KCNQ3: variants seen among roughly 807,000 people sequenced by gnomAD.
KCNQ3 encodes the protein potassium voltage-gated channel subfamily Q member 3.
In KCNQ3, 30 loss-of-function variants were observed where a neutral mutation model predicts 92.5. The ratio of observed to expected loss-of-function variants is 0.32; its 90% CI spans 0.24 to 0.44. The LOEUF (loss-of-function observed/expected upper bound fraction) is 0.44. Ranked by LOEUF, KCNQ3 falls within the 20% of genes least tolerant of loss-of-function variation. The pLI, the probability that KCNQ3 is intolerant of heterozygous loss-of-function variation, is 1.00. For missense variants in KCNQ3, 913 were observed against 1,140.3 expected, an observed-to-expected ratio of 0.80 and a Z score of 2.87; for synonymous variants, 450 against 468.8, an observed-to-expected ratio of 0.96 and a Z score of 0.52.
At chr8:132,241,662 C>T (rs747480876) in intron 1 of KCNQ3, among the ~76,000 whole-genome samples, 2 of 152,128 alleles carry the variant, frequency 1.3e-5, no homozygotes, top group Non-Finnish European at 2.9e-5. Flanking sequence ...GGTGAAACCC[C>T]GTCTCCACTA....
intron 1 of KCNQ3, among the ~76,000 whole-genome samples, chr8:132,360,376 G>T (rs1586955906): frequency 6.6e-6 from 1 of 152,200 alleles, no homozygotes; most frequent in African/African-American, 2.4e-5. Context: ...TGACCTAAGA[G>T]ATTTGGCTTG....
chr8:132,342,319 T>C (rs1016675292), intron 1 of KCNQ3, among the ~76,000 whole-genome samples: 6 of 144,892 alleles, frequency 4.1e-5, no homozygotes, highest in East Asian at 2.0e-4. Context: ...CTTTTTTCTT[T>C]TTTCTTTTTT....
chr8:132,453,256 G>A (rs1821862844), intron 1 of KCNQ3, among the ~76,000 whole-genome samples: 1 of 152,158 alleles, frequency 6.6e-6, no homozygotes. Flanking sequence ...AAGACGGCGG[G>A]TACTAGTCTA....
chr8:132,308,019 C>T (rs1817481564), intron 1 of KCNQ3, among the ~76,000 whole-genome samples: 1 of 152,214 alleles, frequency 6.6e-6, no homozygotes, highest in African/African-American at 2.4e-5. Flanking sequence ...GTCCCAGAAA[C>T]AAGCACTAAA....
chr8:132,473,368 T>C (rs983108615), intron 1 of KCNQ3, among the ~76,000 whole-genome samples: 1 of 152,232 alleles, frequency 6.6e-6, no homozygotes, highest in African/African-American at 2.4e-5. Flanking sequence ...GCTAAGATAC[T>C]GCTGGAGGGA....
chr8:132,241,703 G>A (rs781181802), intron 1 of KCNQ3, among the ~76,000 whole-genome samples: 8 of 152,042 alleles, frequency 5.3e-5, no homozygotes, highest in Non-Finnish European at 1.2e-4. Context: ...GTGTGCTGGC[G>A]GGCACTTGTA....
chr8:132,408,009 G>C (rs931120060), intron 1 of KCNQ3, among the ~76,000 whole-genome samples: 1 of 152,162 alleles, frequency 6.6e-6, no homozygotes, highest in African/African-American at 2.4e-5. Context: ...CTCAGGAAAT[G>C]AGTGAGTGCA....
chr8:132,446,698 G>C (rs1478211196), intron 1 of KCNQ3, among the ~76,000 whole-genome samples: 18 of 152,130 alleles, frequency 1.2e-4, no homozygotes, highest in Admixed American at 6.6e-5. Flanking sequence ...TTACAACTCT[G>C]AATGCTATTT....
At chr8:132,323,370 T>C (rs1026026923) in intron 1 of KCNQ3, among the ~76,000 whole-genome samples, 16 of 152,204 alleles carry the variant, frequency 1.1e-4, no homozygotes, top group Admixed American at 1.0e-3. Context: ...GGCCATGCCA[T>C]TCATTTACAC....
intron 1 of KCNQ3, among the ~76,000 whole-genome samples, chr8:132,377,265 T>C (rs529308275): frequency 6.6e-6 from 1 of 152,356 alleles, no homozygotes; most frequent in African/African-American, 2.4e-5. Flanking sequence ...TGGACACTCC[T>C]GGTTCTCAGG....
intron 1 of KCNQ3, among the ~76,000 whole-genome samples, chr8:132,411,055 T>C (rs1384621887): frequency 6.6e-6 from 1 of 152,230 alleles, no homozygotes; most frequent in Non-Finnish European, 1.5e-5. Flanking sequence ...GGGCAGCCAG[T>C]TCCTGGAGCA....
intron 1 of KCNQ3, among the ~76,000 whole-genome samples, chr8:132,328,007 T>A (rs1818110692): frequency 6.6e-6 from 1 of 152,130 alleles, no homozygotes; most frequent in Admixed American, 6.5e-5. Flanking sequence ...ATGTCCCCTC[T>A]ACCCCAGAGC....
chr8:132,353,986 G>C (rs1276173484), intron 1 of KCNQ3, among the ~76,000 whole-genome samples: 1 of 152,182 alleles, frequency 6.6e-6, no homozygotes, highest in East Asian at 1.9e-4. Flanking sequence ...ACTAAAAAGG[G>C]AAAGAAGCCC....
intron 1 of KCNQ3, among the ~76,000 whole-genome samples, chr8:132,325,563 G>A (rs186816532): frequency 4.6e-4 from 70 of 152,292 alleles, no homozygotes; most frequent in Admixed American, 8.5e-4. Flanking sequence ...GGTCTTATAA[G>A]AAGATATTTG....
chr8:132,249,776 G>A (rs1815335267), intron 1 of KCNQ3, among the ~76,000 whole-genome samples: 1 of 152,196 alleles, frequency 6.6e-6, no homozygotes, highest in Non-Finnish European at 1.5e-5. Flanking sequence ...GGGCATGACG[G>A]GCTGCAGGTC....
intron 8 of KCNQ3, among the ~76,000 whole-genome samples, chr8:132,164,540 T>C (rs1345926243): frequency 1.3e-5 from 2 of 152,066 alleles, no homozygotes; most frequent in South Asian, 2.1e-4. Flanking sequence ...TTAGTTACAG[T>C]GTGGCCTTGG....
At chr8:132,331,812 G>A (rs1268613602) in intron 1 of KCNQ3, among the ~76,000 whole-genome samples, 2 of 152,196 alleles carry the variant, frequency 1.3e-5, no homozygotes, top group Non-Finnish European at 2.9e-5. Context: ...TTTGTTTATG[G>A]CACTGAGAAT....
rs558277468 is a variant in KCNQ3 at position 132,138,008 on chromosome 8, T to C, written c.1577A>G (p.Gln526Arg). Residue 526 changes from glutamine (Q) to arginine (R), a missense_variant, in exon 12 of 15, where the codon CAA (glutamine) becomes CGA (arginine). Transcript: ENST00000388996. The stretch of plus-strand genomic sequence containing the variant: ...GAATTTTTTTTTATAGAGACGGAAT[T>C]GTAGAATTCTGCAAGGCAAAGTAGA... ...KAAIRAVRIL[Q>R]FRLYKKKFKE... 3.7e-6 allele frequency: 6 copies of C among 1,610,092 alleles called. No homozygotes were observed. The South Asian group carries it at 5.5e-5, about 15-fold the overall frequency.
At chr8:132,240,884 C>T (rs1160605654) in intron 1 of KCNQ3, among the ~76,000 whole-genome samples, 1 of 115,468 alleles carries the variant, frequency 8.7e-6, no homozygotes, top group African/African-American at 2.8e-5. Context: ...AATGAGCTAG[C>T]TACAATTTTT....
Sources: gnomAD v4.1 joint callset for allele counts (sites outside exome capture counted in the v4.1 genomes callset) on GRCh38, gnomAD v4.1.1 for gene constraint, MANE v1.5 for transcripts, NCBI Gene and HGNC (gene_info 2026-07-23, HGNC 2026-07-21) for gene names.